The following ULK1 variants were observed in gnomAD, a reference collection of about 807,000 sequenced individuals.
ULK1 encodes the protein unc-51 like autophagy activating kinase 1, also known as serine/threonine-protein kinase ULK1.
ULK1 carries 48 observed loss-of-function variants against 117.5 expected under a neutral mutation model. The observed-to-expected ratio is 0.41, with a 90% confidence interval of 0.32 to 0.52. The LOEUF is 0.52. Ranked by LOEUF, ULK1 falls within the 20% of genes least tolerant of loss-of-function variation. ULK1 has a pLI of 0.29. For missense variants in ULK1, 1,387 were observed against 1,473.4 expected (o/e 0.94, Z 0.96); for synonymous variants, 790 against 637.8 (o/e 1.24, Z -3.60).
At chr12:131,920,418 C>T (rs990090377) in intron 26 of ULK1, 3 of 413,956 alleles carry the variant, frequency 7.2e-6, no homozygotes, top group East Asian at 4.7e-5. Flanking sequence ...CTTCAGGCCT[C>T]GTAGTCAGGT....
chr12:131,917,097 T>A, intron 21 of ULK1, 35 bp downstream of exon 21: 6 of 441,856 alleles, frequency 1.4e-5, no homozygotes, highest in South Asian at 1.1e-4. Context: ...GGCTGTGGGA[T>A]GGGGGTCGGA....
chr12:131,917,469 C>T lies in ULK1; in HGVS notation c.2241C>T (p.Ser747=). Residue 747 remains serine (S), a synonymous_variant, in exon 22 of 28, where the codon AGC becomes AGT. Transcript: ENST00000321867. ...CAGGAGCCCGTGCTGGGGGCACCAG[C>T]AGCCCTTCCCCGGTGGTCTTCACCG... ...LHPGARAGGT[S]SPSPVVFTVG... is the part of the protein sequence containing the mutation. 1 of 1,525,704 alleles carries T rather than the reference C, an allele frequency of 6.6e-7. No individual in the cohort carries two copies. Among genetic ancestry groups the T allele is most frequent in the Non-Finnish European group, 8.8e-7 (1 of 1,137,380 alleles). 94.5% of individuals were successfully genotyped at this position (1,525,704 alleles called of 1,614,324 possible).
In ULK1 at chr12:131,917,081, C is replaced by A; in HGVS notation, c.2182+19C>A. The A allele has an allele frequency of 3.3e-6, 4 of 1,199,144 alleles. No individual in the cohort carries two copies. Among genetic ancestry groups the A allele is most frequent in the South Asian group, 1.4e-5 (1 of 69,348 alleles). 74.3% of individuals were successfully genotyped at this position (1,199,144 alleles called of 1,614,324 possible). A position where few individuals can be genotyped will look rare whatever the true frequency, so the allele number is the denominator to read the frequency against. The stretch of plus-strand genomic sequence containing the variant: ...GAGATCGGTGTGTGGGTGGGTGGGG[C>A]TCGGAGGCTGTGGGATGGGGGTCGG... On this transcript the variant is annotated intron_variant, in intron 21 of 27. Coordinates refer to ENST00000321867, the MANE Select transcript of ULK1 (RefSeq NM_003565.4).
Position 131,922,126 on chromosome 12 carries a change from C to T in ULK1, c.*765C>T, listed in dbSNP as rs1890177736. 2.5e-6 allele frequency: 1 copy of T among 401,362 alleles called. No homozygotes were observed. The highest frequency in any genetic ancestry group is 3.1e-5 in the Admixed American group (1 of 32,254). 24.9% of individuals were successfully genotyped at this position (401,362 alleles called of 1,614,324 possible). ...CTCAGCCCTGGATACGTCTTGTAAT[C>T]TTTCACACTTTATTCCTAAAACGTG... On this transcript the variant is annotated 3_prime_UTR_variant, in exon 28 of 28. Transcript: ENST00000321867.
intron 25 of ULK1, 65 bp from the exon 26 acceptor site, chr12:131,919,914 C>A: frequency 6.3e-7 from 1 of 1,577,164 alleles, no homozygotes; most frequent in South Asian, 1.1e-5. Context: ...CCGGGCAGAT[C>A]ATGGCCACTC....
chr12:131,901,476 C>T (rs1194513045), intron 3 of ULK1, among the ~76,000 whole-genome samples: 3 of 152,246 alleles, frequency 2.0e-5, no homozygotes, highest in Admixed American at 1.3e-4. Context: ...GCCATGCCCG[C>T]GTCCCGGGCC....
At chr12:131,911,622 C>A (rs1176957785) in intron 12 of ULK1, among the ~76,000 whole-genome samples, 2 of 152,148 alleles carry the variant, frequency 1.3e-5, no homozygotes, top group Non-Finnish European at 2.9e-5. Context: ...AAGTGAGGTG[C>A]AGAGGGCAGG....
chr12:131,915,142 C>G lies in ULK1; in HGVS notation c.1433C>G (p.Pro478Arg). The G allele has an allele frequency of 6.2e-7, 1 of 1,606,184 alleles. No homozygotes were observed. Among genetic ancestry groups the G allele is most frequent in the Non-Finnish European group, 8.5e-7 (1 of 1,176,566 alleles). Residue 478 changes from proline (P) to arginine (R), a missense_variant, in exon 17 of 28, where the codon CCC (proline) becomes CGC (arginine). Physicochemically the swap from Pro to Arg is moderately radical, Grantham distance 103. Around this residue, in one of 4 missense-constraint regions of ULK1, gnomAD observed 900 missense variants for 858.9 expected, o/e 1.05. Transcript: ENST00000321867. Reference protein sequence around the residue: ...TSPLGFARASPSPPAHAEHGG... With the variant: ...TSPLGFARASRSPPAHAEHGG... ...CCCCTGGGCTTTGCAAGGGCCAGCC[C>G]CTCGCCCCCTGCCCACGCTGAGCAT...
In ULK1 at chr12:131,919,998, G is replaced by T; in HGVS notation, c.2823G>T (p.Glu941Asp). 1 of 1,612,772 alleles carries T rather than the reference G, an allele frequency of 6.2e-7. No individual in the cohort carries two copies. The highest frequency in any genetic ancestry group is 1.1e-5 in the South Asian group (1 of 91,082). The change falls in exon 26 of 28, where the codon GAG becomes GAT. Residue 941 changes from glutamate to aspartate, a missense_variant. By Grantham distance (45) the Glu-to-Asp change is conservative (BLOSUM62 2). Coordinates refer to ENST00000321867, the MANE Select transcript of ULK1 (RefSeq NM_003565.4). ...TVKQVVRRLNELYKASVVSCQ... is the reference protein window; with the variant it reads ...TVKQVVRRLNDLYKASVVSCQ... Reference sequence around the variant, plus strand: ...TTGCAGTGGTGCGCAGGCTGAATGAGCTGTACAAGGCCAGCGTGGTGTCCT... The same window carrying T: ...TTGCAGTGGTGCGCAGGCTGAATGATCTGTACAAGGCCAGCGTGGTGTCCT...
At chr12:131,915,522 T>C (rs1278778104) in intron 18 of ULK1, 101 bp downstream of exon 18, 6 of 1,404,478 alleles carry the variant, frequency 4.3e-6, no homozygotes, top group South Asian at 2.7e-5. Context: ...TGAAAAGGAG[T>C]GGGAAGGAAG....
chr12:131,906,412 C>G (rs200469706), intron 3 of ULK1: 1 of 161,322 alleles, frequency 6.2e-6, no homozygotes, highest in Admixed American at 6.2e-5. Context: ...TTAGTAGAGA[C>G]GGGGTTTCAC....
intron 1 of ULK1, 83 bp downstream of exon 1, chr12:131,895,195 G>T (rs1196375178): frequency 6.7e-6 from 5 of 744,630 alleles, no homozygotes; most frequent in Non-Finnish European, 3.3e-6. Context: ...CGCCTGTCCC[G>T]GGACCCCCCC....
chr12:131,899,331 G>C (rs150033258), intron 3 of ULK1, among the ~76,000 whole-genome samples: 257 of 152,156 alleles, frequency 1.7e-3, no homozygotes, highest in African/African-American at 5.7e-3. Flanking sequence ...TGGGATTACA[G>C]ACATGCGCCA....
chr12:131,919,720 C>T, intron 25 of ULK1, 130 bp downstream of exon 25: 1 of 1,142,912 alleles, frequency 8.7e-7, no homozygotes, highest in Non-Finnish European at 1.3e-6. Context: ...GGCCCCGGGG[C>T]CTGGCCCAGT....
At chr12:131,912,166 G>A in intron 13 of ULK1, 77 bp downstream of exon 13, 1 of 1,526,798 alleles carries the variant, frequency 6.5e-7, no homozygotes, top group African/African-American at 1.4e-5. Flanking sequence ...TGGATGCACA[G>A]TGTGTAACAC....
intron 12 of ULK1, among the ~76,000 whole-genome samples, chr12:131,911,438 T>C (rs1889530742): frequency 6.6e-6 from 1 of 152,194 alleles, no homozygotes; most frequent in Admixed American, 6.5e-5. Flanking sequence ...TGTAGGGAGC[T>C]GTGGCATCCG....
chr12:131,919,874 A>G (rs1890071898), intron 25 of ULK1, 105 bp from the exon 26 acceptor site: 1 of 1,466,682 alleles, frequency 6.8e-7, no homozygotes, highest in Non-Finnish European at 9.2e-7. Context: ...GGGCTGTGGC[A>G]GGGAGGGAGG....
At chr12:131,899,477 C>T (rs894207290) in intron 3 of ULK1, among the ~76,000 whole-genome samples, 1 of 151,054 alleles carries the variant, frequency 6.6e-6, no homozygotes, top group Non-Finnish European at 1.5e-5. Context: ...CATGAGCCAC[C>T]GCTTCTGGCC....
At chr12:131,896,323 G>C (rs1888868762) in intron 3 of ULK1, among the ~76,000 whole-genome samples, 1 of 152,232 alleles carries the variant, frequency 6.6e-6, no homozygotes, top group Non-Finnish European at 1.5e-5. Flanking sequence ...TGGCCAAGGA[G>C]ATGACCTCGG....
Sources: gnomAD v4.1 joint callset for allele counts (sites outside exome capture counted in the v4.1 genomes callset) on GRCh38, gnomAD v4.1.1 for gene constraint, gnomAD v4.1.1 regional missense constraint, MANE v1.5 for transcripts, NCBI Gene and HGNC (gene_info 2026-07-23, HGNC 2026-07-21) for gene names.